The following ZNF804B variants were observed in gnomAD, a reference collection of about 807,000 sequenced individuals.
ZNF804B encodes the protein zinc finger 804B.
A neutral mutation model predicts 101.4 loss-of-function variants in ZNF804B; 80 were observed. The observed-to-expected ratio is 0.79, with a 90% CI of 0.66 to 0.95. ZNF804B has a LOEUF of 0.95. ZNF804B is among the 40% of genes least tolerant of loss of function. The pLI, the probability that ZNF804B is intolerant of heterozygous loss-of-function variation, is 0.00. For missense variants in ZNF804B, 1,673 were observed against 1,561.9 expected, an observed-to-expected ratio of 1.07 and a Z score of -1.20; for synonymous variants, 622 against 558.8, an observed-to-expected ratio of 1.11 and a Z score of -1.59.
intron 1 of ZNF804B, among the ~76,000 whole-genome samples, chr7:89,070,878 C>G (rs766768062): frequency 2.0e-5 from 3 of 151,498 alleles, no homozygotes; most frequent in African/African-American, 7.3e-5. Flanking sequence ...CTTATAATGG[C>G]ATTTCTCCAT....
intron 2 of ZNF804B, among the ~76,000 whole-genome samples, chr7:89,249,373 T>C (rs1419210140): frequency 6.6e-6 from 1 of 152,166 alleles, no homozygotes; most frequent in African/African-American, 2.4e-5. Flanking sequence ...GTTGACCACA[T>C]GTTCAGCCAT....
At position 88,815,096 on chromosome 7, in the gene ZNF804B, A is replaced by G. The variant is rs1032029669; in HGVS notation, c.108+55012A>G. Among the ~76,000 whole-genome samples, 97 of 148,630 alleles carry G rather than the reference A, an allele frequency of 6.5e-4. 1 individual carries two copies. Among genetic ancestry groups the G allele is most frequent in the African/African-American group, 2.2e-3 (91 of 40,882 alleles). On this transcript the variant is annotated intron_variant, in intron 1 of 3. Coordinates refer to ENST00000333190, the MANE Select transcript of ZNF804B (RefSeq NM_181646.5). ...TATATATGTGTTCATACATATATGT[A>G]TTATGTATATTCTCACATATATGTA...
intron 2 of ZNF804B, among the ~76,000 whole-genome samples, chr7:89,298,084 T>G (rs1790411041): frequency 6.9e-6 from 1 of 144,046 alleles, no homozygotes; most frequent in African/African-American, 2.5e-5. Flanking sequence ...TTCAGTGAAC[T>G]ACACATATTT....
At chr7:88,830,993 A>G (rs1791124082) in intron 1 of ZNF804B, among the ~76,000 whole-genome samples, 2 of 151,868 alleles carry the variant, frequency 1.3e-5, no homozygotes. Context: ...TATGTTGCAA[A>G]TATTTTAGTT....
intron 1 of ZNF804B, among the ~76,000 whole-genome samples, chr7:88,975,624 A>C (rs1044180550): frequency 2.0e-5 from 3 of 151,298 alleles, no homozygotes; most frequent in Non-Finnish European, 3.0e-5. Flanking sequence ...CAGATTATGA[A>C]ATTTTTTCTC....
intron 1 of ZNF804B, among the ~76,000 whole-genome samples, chr7:88,843,281 T>C (rs960692744): frequency 1.3e-5 from 2 of 152,230 alleles, no homozygotes; most frequent in African/African-American, 4.8e-5. Context: ...GAGGAATTTA[T>C]TAATATTCTC....
chr7:89,030,699 T>C (rs1788817387), intron 1 of ZNF804B, among the ~76,000 whole-genome samples: 1 of 152,166 alleles, frequency 6.6e-6, no homozygotes, highest in Admixed American at 6.6e-5. Context: ...TTCCACATTA[T>C]GTGAAAAATA....
intron 1 of ZNF804B, among the ~76,000 whole-genome samples, chr7:89,176,636 AG>A (rs1439968740): frequency 2.4e-5 from 2 of 82,692 alleles, no homozygotes; most frequent in Non-Finnish European, 4.4e-5. Flanking sequence ...TTTTGGTATT[AG>A]GGTAATACTA....
intron 1 of ZNF804B, among the ~76,000 whole-genome samples, chr7:88,858,502 G>A (rs191404607): frequency 1.1e-4 from 16 of 152,248 alleles, no homozygotes; most frequent in African/African-American, 3.4e-4. Flanking sequence ...AGAGAATGGG[G>A]CATGCAATAG....
At chr7:88,838,901 G>A (rs944248607) in intron 1 of ZNF804B, among the ~76,000 whole-genome samples, 2 of 151,856 alleles carry the variant, frequency 1.3e-5, no homozygotes, top group Non-Finnish European at 1.5e-5. Flanking sequence ...AGGTGGTCAC[G>A]AATGTAACCT....
At chr7:89,172,327 G>A (rs1200891403) in intron 1 of ZNF804B, among the ~76,000 whole-genome samples, 1 of 152,142 alleles carries the variant, frequency 6.6e-6, no homozygotes, top group African/African-American at 2.4e-5. Flanking sequence ...AATGGGAAGT[G>A]AGAAAATGAC....
intron 1 of ZNF804B, among the ~76,000 whole-genome samples, chr7:88,945,606 GT>G (rs201655518): frequency 6.6e-6 from 1 of 151,930 alleles, no homozygotes; most frequent in African/African-American, 2.4e-5. Context: ...ATTTAAAGTA[GT>G]TTTTTCTAAT....
intron 2 of ZNF804B, among the ~76,000 whole-genome samples, chr7:89,303,343 T>C (rs1029175172): frequency 1.6e-4 from 25 of 152,072 alleles, no homozygotes; most frequent in Middle Eastern, 3.4e-3. Context: ...TATAACTATT[T>C]TGAAATATAA....
At chr7:89,055,525 A>T (rs1378947212) in intron 1 of ZNF804B, among the ~76,000 whole-genome samples, 1 of 151,940 alleles carries the variant, frequency 6.6e-6, no homozygotes, top group East Asian at 1.9e-4. Flanking sequence ...AATAAATGGG[A>T]TGGAAGGTTA....
intron 1 of ZNF804B, among the ~76,000 whole-genome samples, chr7:89,206,031 G>A (rs375209312): frequency 5.3e-5 from 8 of 152,296 alleles, no homozygotes; most frequent in East Asian, 3.9e-4. Flanking sequence ...TTAATACCAC[G>A]TGGAAGCTGC....
intron 1 of ZNF804B, among the ~76,000 whole-genome samples, chr7:89,046,397 T>C (rs1789107307): frequency 6.6e-6 from 1 of 152,210 alleles, no homozygotes; most frequent in African/African-American, 2.4e-5. Context: ...ACCATTTGTG[T>C]CTTTTGATAA....
chr7:88,983,229 G>C (rs1230812829), intron 1 of ZNF804B, among the ~76,000 whole-genome samples: 1 of 152,026 alleles, frequency 6.6e-6, no homozygotes, highest in Non-Finnish European at 1.5e-5. Context: ...TATTGAATCA[G>C]GTTCTACATT....
chr7:88,912,295 TTATTA>T (rs1387944258), intron 1 of ZNF804B, among the ~76,000 whole-genome samples: 1 of 152,070 alleles, frequency 6.6e-6, no homozygotes, highest in African/African-American at 2.4e-5. Context: ...TGTTAGGAGT[TTATTA>T]TATAATCTGG....
intron 1 of ZNF804B, among the ~76,000 whole-genome samples, chr7:88,918,373 G>C (rs1204125930): frequency 6.6e-6 from 1 of 152,094 alleles, no homozygotes. Context: ...ATCTCTTACT[G>C]TCAAGTCAAA....
Sources: gnomAD v4.1 joint callset for allele counts (sites outside exome capture counted in the v4.1 genomes callset) on GRCh38, gnomAD v4.1.1 for gene constraint, MANE v1.5 for transcripts, NCBI Gene and HGNC (gene_info 2026-07-23, HGNC 2026-07-21) for gene names.